Variants in DLG2 observed in about 807,000 individuals in gnomAD.
DLG2 encodes discs large MAGUK scaffold protein 2.
A neutral mutation model predicts 132.5 loss-of-function variants in DLG2; 45 were observed. That is an observed-to-expected ratio of 0.34 (90% CI 0.27 to 0.44). DLG2 has a LOEUF of 0.44. Among genes scored for constraint, DLG2 ranks in the 20% least tolerant of loss-of-function variants. DLG2 has a pLI of 1.00. For missense variants in DLG2, 1,045 were observed against 1,196.9 expected, an observed-to-expected ratio of 0.87 and a Z score of 1.87; for synonymous variants, 424 against 419.6, an observed-to-expected ratio of 1.01 and a Z score of -0.13.
At chr11:84,790,157 T>C (rs1598203224) in intron 6 of DLG2, among the ~76,000 whole-genome samples, 2 of 152,180 alleles carry the variant, frequency 1.3e-5, no homozygotes, top group East Asian at 1.9e-4. Context: ...TTTTAGGAAC[T>C]CTAAAATGTT....
intron 4 of DLG2, among the ~76,000 whole-genome samples, chr11:85,204,862 T>C (rs1200666002): frequency 6.6e-6 from 1 of 151,262 alleles, no homozygotes; most frequent in Non-Finnish European, 1.5e-5. Flanking sequence ...GAATAGAGAA[T>C]CCAGAAATAA....
chr11:85,598,582 T>A, intron 3 of DLG2, 75 bp downstream of exon 3: 1 of 1,095,512 alleles, frequency 9.1e-7, no homozygotes, highest in Non-Finnish European at 1.2e-6. Flanking sequence ...AACATCAGGT[T>A]CTTTGACCAC....
chr11:85,503,628 G>A (rs1598027405), intron 3 of DLG2, among the ~76,000 whole-genome samples: 1 of 152,044 alleles, frequency 6.6e-6, no homozygotes, highest in Non-Finnish European at 1.5e-5. Flanking sequence ...GGAACTGGTG[G>A]CTTTATAAGA....
At chr11:84,062,773 G>T (rs2096611638) in intron 10 of DLG2, among the ~76,000 whole-genome samples, 1 of 151,622 alleles carries the variant, frequency 6.6e-6, no homozygotes, top group African/African-American at 2.4e-5. Context: ...AGGGGAGGTG[G>T]GGTAGTTTAC....
intron 17 of DLG2, among the ~76,000 whole-genome samples, chr11:83,798,238 T>A (rs1389684267): frequency 6.6e-6 from 1 of 152,192 alleles, no homozygotes; most frequent in Admixed American, 6.5e-5. Flanking sequence ...CTCTATGACT[T>A]TGGGTAAGTT....
intron 18 of DLG2, among the ~76,000 whole-genome samples, chr11:83,763,849 CCTT>C (rs1350000361): frequency 1.3e-5 from 2 of 152,166 alleles, no homozygotes; most frequent in East Asian, 1.9e-4. Context: ...TATTGTCTGT[CCTT>C]CTTCTCTCAC....
chr11:83,787,006 C>G (rs910269925), intron 17 of DLG2, among the ~76,000 whole-genome samples: 7 of 152,126 alleles, frequency 4.6e-5, no homozygotes, highest in Non-Finnish European at 8.8e-5. Flanking sequence ...GTGCCATGGT[C>G]TGACCGGGTT....
At chr11:84,955,524 T>A (rs1398811555) in intron 6 of DLG2, 1 of 152,148 alleles carries the variant, frequency 6.6e-6, no homozygotes, top group African/African-American at 2.4e-5. Flanking sequence ...TCATGCAACA[T>A]GACAGTACTT....
At chr11:83,722,726 T>C (rs567841123) in intron 18 of DLG2, among the ~76,000 whole-genome samples, 2 of 152,270 alleles carry the variant, frequency 1.3e-5, no homozygotes, top group Admixed American at 6.5e-5. Flanking sequence ...TCAGCCAACT[T>C]AGGTGAATAA....
intron 6 of DLG2, among the ~76,000 whole-genome samples, chr11:84,682,237 A>G (rs2099732777): frequency 6.6e-6 from 1 of 152,214 alleles, no homozygotes; most frequent in Non-Finnish European, 1.5e-5. Context: ...ATTATAGCAC[A>G]GTCCCAACAT....
At chr11:84,173,966 C>T (rs1053676652) in intron 8 of DLG2, among the ~76,000 whole-genome samples, 21 of 141,902 alleles carry the variant, frequency 1.5e-4, no homozygotes, top group African/African-American at 5.6e-4. Context: ...CAAGCTCTGT[C>T]CTTTGTTGCT....
intron 3 of DLG2, among the ~76,000 whole-genome samples, chr11:85,432,863 T>A (rs1049845987): frequency 2.6e-5 from 4 of 151,864 alleles, no homozygotes; most frequent in African/African-American, 9.7e-5. Flanking sequence ...AGACACATAA[T>A]CTTCAGATTC....
At chr11:84,655,432 C>G (rs2154547236) in intron 6 of DLG2, among the ~76,000 whole-genome samples, 1 of 152,272 alleles carries the variant, frequency 6.6e-6, no homozygotes, top group East Asian at 1.9e-4. Flanking sequence ...TTAAATGTTT[C>G]TCTTATCCTG....
rs1053377695 is a variant in DLG2, at chr11:83,457,126, T to C, written c.*2692A>G. ...GGCCCAGCATGTGTGAAGGTGACAT[T>C]GCACCCCCAGCAAGCCTTCAGGTTG... On this transcript the variant is annotated 3_prime_UTR_variant, in exon 28 of 28. Transcript: ENST00000376104. 1.3e-5 allele frequency: 2 copies of C among 152,628 alleles called. No individual in the cohort carries two copies. The highest frequency in any genetic ancestry group is 2.9e-5 in the Non-Finnish European group (2 of 68,054). 9.5% of individuals were successfully genotyped at this position (152,628 alleles called of 1,614,324 possible).
chr11:85,224,350 A>G (rs1177508137), intron 4 of DLG2, among the ~76,000 whole-genome samples: 10 of 152,288 alleles, frequency 6.6e-5, no homozygotes, highest in Middle Eastern at 6.8e-3. Flanking sequence ...TTTCAGAGAC[A>G]TGGAAACATA....
chr11:85,241,311 T>C (rs183753266), intron 4 of DLG2, among the ~76,000 whole-genome samples: 59 of 151,994 alleles, frequency 3.9e-4, no homozygotes, highest in African/African-American at 1.4e-3. Flanking sequence ...GGATTAATAG[T>C]AGACAGTCAT....
intron 11 of DLG2, among the ~76,000 whole-genome samples, chr11:84,018,382 T>G (rs967605331): frequency 2.0e-5 from 3 of 152,124 alleles, no homozygotes; most frequent in Middle Eastern, 3.4e-3. Context: ...GGGTAAGTAG[T>G]AAAAAAGAAT....
intron 11 of DLG2, among the ~76,000 whole-genome samples, chr11:83,997,454 A>G (rs756580519): frequency 6.6e-6 from 1 of 152,034 alleles, no homozygotes; most frequent in Non-Finnish European, 1.5e-5. Context: ...GCCAAATAAG[A>G]CCAGGTGCAG....
intron 7 of DLG2, among the ~76,000 whole-genome samples, chr11:84,372,579 A>C (rs2154429794): frequency 6.6e-6 from 1 of 152,316 alleles, no homozygotes; most frequent in East Asian, 1.9e-4. Context: ...TTATAGGCAA[A>C]GGAATTGATT....
Sources: allele counts gnomAD v4.1 joint callset (sites outside exome capture counted in the v4.1 genomes callset), GRCh38; gene constraint gnomAD v4.1.1; transcripts MANE v1.5; gene names NCBI Gene and HGNC (gene_info 2026-07-23, HGNC 2026-07-21).